The following NCK2 variants were observed in gnomAD, a reference collection of about 807,000 sequenced individuals.
The protein encoded by NCK2 is cytoplasmic protein NCK2.
A neutral mutation model predicts 33.9 loss-of-function variants in NCK2; 16 were observed. The observed-to-expected ratio is 0.47, with a 90% confidence interval of 0.32 to 0.72. NCK2 has a LOEUF of 0.72. NCK2 is among the 30% of genes least tolerant of loss of function. The pLI, the probability that NCK2 is intolerant of heterozygous loss-of-function variation, is 0.03. For synonymous variants in NCK2, 273 were observed against 239.9 expected (o/e 1.14, Z -1.27); for missense variants, 418 against 537.3 (o/e 0.78, Z 2.19).
chr2:105,876,534 G>C (rs1249903141), intron 3 of NCK2, among the ~76,000 whole-genome samples: 1 of 152,172 alleles, frequency 6.6e-6, no homozygotes, highest in Non-Finnish European at 1.5e-5. Flanking sequence ...GGATGATGGG[G>C]GCTTCCAGTC....
rs568725844 is a variant in NCK2 at position 105,778,172 on chromosome 2, G to A, written c.-201+33034G>A. On this transcript the variant is annotated intron_variant, in intron 1 of 4. Coordinates refer to ENST00000233154, the MANE Select transcript of NCK2 (RefSeq NM_003581.5). Reference sequence around the variant, plus strand: ...TGGCAGGCCTCTGGGACTGGGTCCCGGGCTTAGAGGGGGACTGGGGACCTA... The same window carrying A: ...TGGCAGGCCTCTGGGACTGGGTCCCAGGCTTAGAGGGGGACTGGGGACCTA... Among the ~76,000 whole-genome samples the A allele has an allele frequency of 4.6e-5, 7 of 152,272 alleles. 1 individual carries two copies. In the East Asian group the frequency reaches 1.2e-3, roughly 25 times the overall value.
intron 2 of NCK2, among the ~76,000 whole-genome samples, chr2:105,838,555 T>C (rs1676519288): frequency 6.6e-6 from 1 of 152,242 alleles, no homozygotes; most frequent in Non-Finnish European, 1.5e-5. Context: ...GGAATTATTT[T>C]ATGGCTCCCA....
intron 1 of NCK2, among the ~76,000 whole-genome samples, chr2:105,786,456 T>C (rs1690685864): frequency 6.6e-6 from 1 of 152,216 alleles, no homozygotes; most frequent in African/African-American, 2.4e-5. Flanking sequence ...GCTGCCAGCC[T>C]TGGAGGTGGC....
chr2:105,766,839 G>A (rs1379279737), intron 1 of NCK2, among the ~76,000 whole-genome samples: 2 of 152,200 alleles, frequency 1.3e-5, no homozygotes, highest in Non-Finnish European at 2.9e-5. Context: ...AGTGAGTAGT[G>A]TTAGTTTGAC....
chr2:105,796,138 A>G (rs1032054784), intron 1 of NCK2, among the ~76,000 whole-genome samples: 10 of 152,340 alleles, frequency 6.6e-5, no homozygotes, highest in Middle Eastern at 3.4e-3. Context: ...TGGAATACCA[A>G]CTTCAGGGTT....
chr2:105,821,200 A>T (rs111659615), intron 2 of NCK2, among the ~76,000 whole-genome samples: 2 of 152,188 alleles, frequency 1.3e-5, no homozygotes, highest in Non-Finnish European at 2.9e-5. Context: ...CACTTTTATC[A>T]TATCCTGGTT....
At chr2:105,827,374 A>G (rs1573166233) in intron 2 of NCK2, among the ~76,000 whole-genome samples, 1 of 152,232 alleles carries the variant, frequency 6.6e-6, no homozygotes. Context: ...TAGAACTACA[A>G]GGAGAAACAG....
chr2:105,806,131 G>C (rs192018934), intron 1 of NCK2, among the ~76,000 whole-genome samples: 216 of 151,918 alleles, frequency 1.4e-3, no homozygotes, highest in Admixed American at 3.1e-3. Context: ...ATCAGATTTT[G>C]GAGCAATTTG....
At chr2:105,843,198 C>A (rs934306) in intron 2 of NCK2, among the ~76,000 whole-genome samples, 103,277 of 151,818 alleles carry the variant, frequency 0.68, 35,425 homozygotes, top group African/African-American at 0.78. Flanking sequence ...TTCATATATA[C>A]CTTATTTATG....
At chr2:105,842,712 A>C (rs1324737371) in intron 2 of NCK2, among the ~76,000 whole-genome samples, 4 of 152,186 alleles carry the variant, frequency 2.6e-5, no homozygotes. Flanking sequence ...ATTGGTGTGA[A>C]GTACTCACAG....
At chr2:105,781,649 T>C (rs1690499993) in intron 1 of NCK2, among the ~76,000 whole-genome samples, 1 of 152,208 alleles carries the variant, frequency 6.6e-6, no homozygotes, top group African/African-American at 2.4e-5. Context: ...AAAATAGCAG[T>C]CTTGTAAGGT....
rs1285457102 is a variant in NCK2, at chr2:105,881,313, G to C, written c.227-15G>C. On this transcript the variant is annotated splice_polypyrimidine_tract_variant and intron_variant, in intron 3 of 4. Transcript: ENST00000233154. Reference sequence around the variant, plus strand: ...CAAGTGCCCTGCGCCACTGAGCCTTGCTGTGTCTCCACAGGCCTCGGCAAG... The same window carrying C: ...CAAGTGCCCTGCGCCACTGAGCCTTCCTGTGTCTCCACAGGCCTCGGCAAG... 1 of 1,572,848 alleles carries C rather than the reference G, an allele frequency of 6.4e-7. No individual in the cohort carries two copies. Among genetic ancestry groups the C allele is most frequent in the Non-Finnish European group, 8.6e-7 (1 of 1,162,772 alleles).
At chr2:105,788,731 TTTTG>T (rs1036894851) in intron 1 of NCK2, among the ~76,000 whole-genome samples, 29 of 152,162 alleles carry the variant, frequency 1.9e-4, no homozygotes, top group Middle Eastern at 3.2e-3. Context: ...GCATAATTTT[TTTTG>T]TTTGTTCTCC....
intron 2 of NCK2, among the ~76,000 whole-genome samples, chr2:105,838,073 G>A (rs970196811): frequency 2.7e-5 from 4 of 150,738 alleles, no homozygotes; most frequent in Admixed American, 2.6e-4. Flanking sequence ...TCACTGTTAA[G>A]CCAGACTTTC....
chr2:105,824,591 A>G (rs17031841), intron 2 of NCK2, among the ~76,000 whole-genome samples: 1,675 of 151,952 alleles, frequency 0.011, 29 homozygotes, highest in African/African-American at 0.037. Context: ...TTTGTAATAC[A>G]TTGGTCATTT....
chr2:105,785,010 G>A (rs574897983), intron 1 of NCK2, among the ~76,000 whole-genome samples: 37 of 152,076 alleles, frequency 2.4e-4, no homozygotes, highest in Non-Finnish European at 4.1e-4. Flanking sequence ...ACGGAGTCTC[G>A]CTCTGTCGCC....
At chr2:105,861,427 C>T (rs1231236354) in intron 3 of NCK2, among the ~76,000 whole-genome samples, 3 of 152,080 alleles carry the variant, frequency 2.0e-5, no homozygotes, top group African/African-American at 7.2e-5. Flanking sequence ...GTGCTGTGTG[C>T]TGGATCCAGG....
intron 1 of NCK2, among the ~76,000 whole-genome samples, chr2:105,815,464 T>C (rs1040647875): frequency 2.0e-5 from 3 of 152,182 alleles, no homozygotes; most frequent in African/African-American, 7.2e-5. Context: ...CAGATCCCCA[T>C]TGGGTTTGAA....
intron 2 of NCK2, among the ~76,000 whole-genome samples, chr2:105,845,685 C>A (rs1381471168): frequency 2.0e-5 from 3 of 152,010 alleles, no homozygotes; most frequent in Admixed American, 2.0e-4. Context: ...TGAGCCACCA[C>A]GCCCAGCCGA....
Sources: allele counts gnomAD v4.1 joint callset (sites outside exome capture counted in the v4.1 genomes callset), GRCh38; gene constraint gnomAD v4.1.1; transcripts MANE v1.5; gene names NCBI Gene and HGNC (gene_info 2026-07-23, HGNC 2026-07-21).